MGAT5B: variants seen among roughly 807,000 people sequenced by gnomAD.
MGAT5B encodes N-acetylglucosaminyl-transferase Vb.
Under a neutral mutation model 95.1 loss-of-function variants are expected in MGAT5B, and 54 were observed. The observed-to-expected ratio is 0.57, with a 90% CI of 0.46 to 0.71. MGAT5B has a LOEUF of 0.71. Among genes scored for constraint, MGAT5B ranks in the 30% least tolerant of loss-of-function variants. MGAT5B has a pLI of 0.00. For missense variants in MGAT5B, 935 were observed against 1,088.6 expected (o/e 0.86, Z 1.99); for synonymous variants, 464 against 451.0 (o/e 1.03, Z -0.36).
At chr17:76,903,549 G>T (rs1408289606) in intron 5 of MGAT5B, among the ~76,000 whole-genome samples, 173 bp downstream of exon 5, 1 of 152,198 alleles carries the variant, frequency 6.6e-6, no homozygotes, top group Admixed American at 6.5e-5. Context: ...TCTCCCTCAG[G>T]TGTCGGTGCT....
chr17:76,949,741 G>A lies in MGAT5B; in HGVS notation c.*903G>A, dbSNP rs1436918444. On this transcript the variant is annotated 3_prime_UTR_variant, in exon 18 of 18. Transcript: ENST00000569840. The stretch of plus-strand genomic sequence containing the variant: ...AGATCAGGCTCTGGGACCCCTGCCT[G>A]GGGGGTGGCCTTCATGCACTAGCCA... 4 of 152,150 alleles carry A rather than the reference G, an allele frequency of 2.6e-5. No individual in the cohort carries two copies. 9.4% of individuals were successfully genotyped at this position (152,150 alleles called of 1,614,324 possible). A position where few individuals can be genotyped will look rare whatever the true frequency, so the allele number is the denominator to read the frequency against.
chr17:76,946,268 C>G (rs1257524300), intron 15 of MGAT5B, 108 bp from the exon 16 acceptor site: 1 of 912,004 alleles, frequency 1.1e-6, no homozygotes, highest in African/African-American at 1.7e-5. Flanking sequence ...CTGGGCATGG[C>G]ACAGGATGTG....
intron 8 of MGAT5B, among the ~76,000 whole-genome samples, chr17:76,910,126 A>G (rs1465620436): frequency 1.3e-5 from 2 of 152,116 alleles, no homozygotes; most frequent in African/African-American, 4.8e-5. Context: ...GATACTCCCA[A>G]TGCTGGGAGA....
intron 8 of MGAT5B, among the ~76,000 whole-genome samples, chr17:76,923,549 G>T (rs1478672072): frequency 6.6e-6 from 1 of 152,112 alleles, no homozygotes; most frequent in African/African-American, 2.4e-5. Context: ...GATGAAGACA[G>T]GGCACGTGGC....
intron 3 of MGAT5B, among the ~76,000 whole-genome samples, chr17:76,896,490 G>A (rs1327367068): frequency 1.3e-5 from 2 of 152,218 alleles, no homozygotes; most frequent in African/African-American, 4.8e-5. Context: ...TTCCTCTCAG[G>A]AATGGGATGA....
chr17:76,943,037 C>CCCCTA (rs10628067), intron 15 of MGAT5B, among the ~76,000 whole-genome samples: 2 of 151,594 alleles, frequency 1.3e-5, no homozygotes, highest in East Asian at 1.9e-4. Context: ...ATAACTTGCC[C>CCCCTA]CCCCGGGAGG....
chr17:76,875,653 C>CTTGTTT (rs1967160695), intron 2 of MGAT5B, among the ~76,000 whole-genome samples: 1 of 67,114 alleles, frequency 1.5e-5, no homozygotes, highest in Non-Finnish European at 2.6e-5. Flanking sequence ...GTCACTTGCA[C>CTTGTTT]TTTTTTTTTT....
At chr17:76,892,462 G>A (rs1474171117) in intron 3 of MGAT5B, among the ~76,000 whole-genome samples, 1 of 152,248 alleles carries the variant, frequency 6.6e-6, no homozygotes, top group Non-Finnish European at 1.5e-5. Flanking sequence ...TGTGTGGAGA[G>A]GAGAAGGCGA....
At chr17:76,904,952 C>T (rs1968465943) in intron 6 of MGAT5B, among the ~76,000 whole-genome samples, 1 of 152,202 alleles carries the variant, frequency 6.6e-6, no homozygotes, top group South Asian at 2.1e-4. Context: ...CGTGGAAGGG[C>T]TAGGGGCCCA....
At position 76,948,938 on chromosome 17, in the gene MGAT5B, A is replaced by C. The variant is rs1448099332; in HGVS notation, c.*100A>C. ...AGCCCTGGCTGCTTGTCCTCCTCGC[A>C]ACCCCCCCAGGCCGGAGCTTCCTTC... On this transcript the variant is annotated 3_prime_UTR_variant, in exon 18 of 18. Coordinates refer to ENST00000569840, the MANE Select transcript of MGAT5B (RefSeq NM_001199172.2). The C allele has an allele frequency of 6.1e-6, 8 of 1,311,908 alleles. No individual in the cohort carries two copies. In the South Asian group the frequency reaches 1.1e-4, roughly 19 times the overall value. 81.3% of individuals were successfully genotyped at this position (1,311,908 alleles called of 1,614,324 possible). A position where few individuals can be genotyped will look rare whatever the true frequency, so the allele number is the denominator to read the frequency against.
At chr17:76,925,624 A>T (rs1456379634) in intron 9 of MGAT5B, among the ~76,000 whole-genome samples, 1 of 152,050 alleles carries the variant, frequency 6.6e-6, no homozygotes. Flanking sequence ...AGTCCCATTG[A>T]CGATCCCACA....
chr17:76,871,409 G>A (rs1187146952), intron 1 of MGAT5B, among the ~76,000 whole-genome samples: 1 of 152,182 alleles, frequency 6.6e-6, no homozygotes, highest in East Asian at 1.9e-4. Flanking sequence ...CCTTCCTGCT[G>A]GGGGTGTGGT....
chr17:76,869,451 G>C lies in MGAT5B; in HGVS notation c.68+354G>C, dbSNP rs891877700. On this transcript the variant is annotated intron_variant, in intron 1 of 17. Coordinates refer to ENST00000569840, the MANE Select transcript of MGAT5B (RefSeq NM_001199172.2). This position sits in a 1 kb window ranked among gnomAD's most constrained non-coding sequence, Gnocchi z 7.0. ...CCCTCAGGGTCCTTCCTCACCCCGC[G>C]GACGGTCCCATCCGGGTGGCAAAGT... is the stretch of plus-strand genomic sequence containing the variant. Among the ~76,000 whole-genome samples, 1 of 152,074 alleles carries C rather than the reference G, an allele frequency of 6.6e-6. No homozygotes were observed. The highest frequency in any genetic ancestry group is 2.4e-5 in the African/African-American group (1 of 41,402).
At chr17:76,909,428 T>C (rs1038587299) in intron 8 of MGAT5B, among the ~76,000 whole-genome samples, 1 of 152,198 alleles carries the variant, frequency 6.6e-6, no homozygotes, top group African/African-American at 2.4e-5. Context: ...AATCAGCTTT[T>C]CTTCATTAAC....
In MGAT5B at chr17:76,940,370, C is replaced by T. The variant is rs775773935; in HGVS notation, c.1585-32C>T. ...CTTACTGGGCTGTGGCGGCCCAGCC[C>T]TCCCTGATCACTGCGCCCCTTGACT... On this transcript the variant is annotated intron_variant, in intron 13 of 17. Coordinates refer to ENST00000569840, the MANE Select transcript of MGAT5B (RefSeq NM_001199172.2). The surrounding 1 kb of genome is among the most constrained non-coding windows in gnomAD (Gnocchi z 4.3). The T allele has an allele frequency of 2.6e-6, 4 of 1,547,614 alleles. No individual in the cohort carries two copies. Among genetic ancestry groups the T allele is most frequent in the Admixed American group, 1.9e-5 (1 of 51,644 alleles).
Position 76,932,706 on chromosome 17 carries a change from G to A in MGAT5B, c.1353G>A (p.Lys451=). 6.2e-7 allele frequency: 1 copy of A among 1,614,066 alleles called. No individual in the cohort carries two copies. The highest frequency in any genetic ancestry group is 1.1e-5 in the South Asian group (1 of 91,078). Residue 451 remains lysine (K), a synonymous_variant, in exon 11 of 18, where the codon AAG becomes AAA. Coordinates refer to ENST00000569840, the MANE Select transcript of MGAT5B (RefSeq NM_001199172.2). The stretch of plus-strand genomic sequence containing the variant: ...CCGAGGAGCTCAACGAGACGGAGAA[G>A]CGGCTCATCAAAGGCGGCAAGGCCA... ...FVSEELNETE[K]RLIKGGKASN...
At chr17:76,924,775 C>A (rs1325557263) in intron 8 of MGAT5B, among the ~76,000 whole-genome samples, 191 bp from the exon 9 acceptor site, 1 of 152,190 alleles carries the variant, frequency 6.6e-6, no homozygotes, top group Admixed American at 6.5e-5. Flanking sequence ...TCCCACCTGC[C>A]CCTTGCTGGA....
In MGAT5B at chr17:76,868,720, G is replaced by A. The variant is rs1966887808; in HGVS notation, c.-310G>A. On this transcript the variant is annotated 5_prime_UTR_variant, in exon 1 of 18. Transcript: ENST00000569840. This position sits in a 1 kb window ranked among gnomAD's most constrained non-coding sequence, Gnocchi z 6.3. ...CGGCACCTTCCCGCCCAGCGAGCGA[G>A]CCCGAGCAGGCAGACGCGCGGCCGG... The A allele has an allele frequency of 5.9e-6, 1 of 169,552 alleles. No homozygotes were observed. Among genetic ancestry groups the A allele is most frequent in the South Asian group, 2.0e-4 (1 of 5,008 alleles). The allele number at this position is 169,552 out of a possible 1,614,324, so 10.5% of individuals were successfully genotyped here. A position where few individuals can be genotyped will look rare whatever the true frequency, so the allele number is the denominator to read the frequency against.
Position 76,918,920 on chromosome 17 carries a change from A to G in MGAT5B, c.1026-6046A>G, listed in dbSNP as rs1364740960. Among the ~76,000 whole-genome samples the G allele has an allele frequency of 6.6e-6, 1 of 152,230 alleles. No individual in the cohort carries two copies. The highest frequency in any genetic ancestry group is 2.4e-5 in the African/African-American group (1 of 41,446). ...AAAGAGAGAGAGAATAGTGTGTTCCACAATTTGAGCACTACCTGGAGAGAT... is the reference window on the plus strand; with the variant it reads ...AAAGAGAGAGAGAATAGTGTGTTCCGCAATTTGAGCACTACCTGGAGAGAT... On this transcript the variant is annotated intron_variant, in intron 8 of 17. Coordinates refer to ENST00000569840, the MANE Select transcript of MGAT5B (RefSeq NM_001199172.2). The surrounding 1 kb of genome is among the most constrained non-coding windows in gnomAD (Gnocchi z 5.1).
Sources: gnomAD v4.1 joint callset for allele counts (sites outside exome capture counted in the v4.1 genomes callset) on GRCh38, gnomAD v4.1.1 for gene constraint, Gnocchi (gnomAD v3.1) non-coding constraint, MANE v1.5 for transcripts, NCBI Gene and HGNC (gene_info 2026-07-23, HGNC 2026-07-21) for gene names.